Variants in MS4A15 observed in about 807,000 individuals in gnomAD.
The protein encoded by MS4A15 is membrane spanning 4-domains A15.
MS4A15 carries 22 observed loss-of-function variants against 20.6 expected under a neutral mutation model. The ratio of observed to expected loss-of-function variants is 1.07; its 90% CI spans 0.76 to 1.52. The LOEUF is 1.52. Ranked by LOEUF, MS4A15 falls within the 40% of genes most tolerant of loss-of-function variation. MS4A15 has a pLI of 0.00. For synonymous variants in MS4A15, 129 were observed against 129.3 expected (o/e 1.00, Z 0.02); for missense variants, 312 against 323.0 (o/e 0.97, Z 0.26).
At chr11:60,767,709 C>A in intron 3 of MS4A15, 54 bp downstream of exon 3, 1 of 1,474,296 alleles carries the variant, frequency 6.8e-7, no homozygotes, top group Non-Finnish European at 9.0e-7. Flanking sequence ...CCAGGCTCAC[C>A]TCTCCCCCAC....
At chr11:60,773,241 T>A in intron 4 of MS4A15, 151 bp from the exon 5 acceptor site, 1 of 541,836 alleles carries the variant, frequency 1.8e-6, no homozygotes, top group South Asian at 2.7e-5. Context: ...GAGCAGTCAA[T>A]GAGAACACAG....
chr11:60,771,272 GTCCCCTCTCCCCATACA>G lies in MS4A15; in HGVS notation c.349-18_349-2del. ...AGGGTCCTGGCTGAGGCCTCACCTG[GTCCCCTCTCCCCATACA>G]GTTCATCATCTCCGGATCCCTCTCA... On this transcript the variant is annotated splice_acceptor_variant and splice_polypyrimidine_tract_variant and intron_variant, in intron 3 of 6. Transcript: ENST00000405633. LOFTEE classifies it high-confidence loss of function. The G allele has an allele frequency of 3.1e-6, 5 of 1,613,086 alleles. No homozygotes were observed. In the South Asian group the frequency reaches 5.5e-5, roughly 18 times the overall value.
At chr11:60,775,513 C>T (rs764945773) in intron 6 of MS4A15, 92 bp from the exon 7 acceptor site, 128 of 966,906 alleles carry the variant, frequency 1.3e-4, no homozygotes, top group Non-Finnish European at 2.0e-4. Context: ...TACCAGGGCG[C>T]TGTTCTCAGA....
intron 3 of MS4A15, among the ~76,000 whole-genome samples, chr11:60,768,423 C>T (rs756236280): frequency 2.0e-5 from 3 of 152,206 alleles, no homozygotes; most frequent in Admixed American, 6.5e-5. Flanking sequence ...TCACCCGTGC[C>T]GGAAAACAGG....
intron 2 of MS4A15, 55 bp downstream of exon 2, chr11:60,764,013 G>T: frequency 6.8e-7 from 1 of 1,474,982 alleles, no homozygotes; most frequent in Non-Finnish European, 9.2e-7. Context: ...CCCAGCACCG[G>T]AACATTCATG....
At chr11:60,765,881 C>CAAAAA (rs11351320) in intron 2 of MS4A15, among the ~76,000 whole-genome samples, 2 of 137,870 alleles carry the variant, frequency 1.5e-5, no homozygotes, top group African/African-American at 2.7e-5. Context: ...TCTCCCCCTC[C>CAAAAA]AAAAAAAAAA....
rs1194938198 is a variant in MS4A15 at position 60,760,908 on chromosome 11, G to A, written c.-28-2798G>A. On this transcript the variant is annotated intron_variant, in intron 1 of 6. Coordinates refer to ENST00000405633, the MANE Select transcript of MS4A15 (RefSeq NM_001098835.2). ...CAACAGGCAACTATCCGGCTTGCAG[G>A]CATAGAAGCCTCTGTAACTGCAGAG... Among the ~76,000 whole-genome samples the A allele has an allele frequency of 2.6e-5, 4 of 152,220 alleles. No homozygotes were observed. In the East Asian group the frequency reaches 7.7e-4, roughly 29 times the overall value.
chr11:60,768,263 C>A (rs570686344), intron 3 of MS4A15, among the ~76,000 whole-genome samples: 16 of 152,302 alleles, frequency 1.1e-4, no homozygotes, highest in South Asian at 8.3e-4. Context: ...AGATCCTAAG[C>A]CTCACCCTGC....
intron 1 of MS4A15, among the ~76,000 whole-genome samples, chr11:60,759,339 G>A (rs539095145): frequency 1.3e-5 from 2 of 152,360 alleles, no homozygotes; most frequent in Admixed American, 1.3e-4. Flanking sequence ...TTTGCAGACA[G>A]TATGCTTGGT....
Position 60,773,414 on chromosome 11 carries a change from A to C in MS4A15, c.428A>C (p.Asn143Thr), listed in dbSNP as rs1854093798. 2 of 1,613,378 alleles carry C rather than the reference A, an allele frequency of 1.2e-6. No homozygotes were observed. Among genetic ancestry groups the C allele is most frequent in the African/African-American group, 2.7e-5 (2 of 75,040 alleles). ...SCLVRSSLGT[N>T]ILSVMAAFAG... ...CAGGTGAGGAGCAGCCTGGGCACCA[A>C]CATCCTCAGCGTCATGGCGGCCTTT... Residue 143 changes from asparagine to threonine, a missense_variant, in exon 5 of 7, where the codon AAC becomes ACC. Asn to Thr is a moderately conservative substitution (Grantham distance 65, BLOSUM62 0). Coordinates refer to ENST00000405633, the MANE Select transcript of MS4A15 (RefSeq NM_001098835.2).
intron 1 of MS4A15, among the ~76,000 whole-genome samples, chr11:60,759,426 A>G (rs1022714008): frequency 1.3e-5 from 2 of 152,258 alleles, no homozygotes; most frequent in African/African-American, 4.8e-5. Context: ...ACCTCTGCCC[A>G]AGAAAGCCTG....
chr11:60,759,363 A>G (rs1853673900), intron 1 of MS4A15, among the ~76,000 whole-genome samples: 1 of 152,218 alleles, frequency 6.6e-6, no homozygotes, highest in Non-Finnish European at 1.5e-5. Flanking sequence ...AGTCATCGCC[A>G]TTCTCCATTC....
rs1465425927 is a variant in MS4A15 at position 60,771,450 on chromosome 11, C to T, written c.405+103C>T. 8.3e-6 allele frequency: 13 copies of T among 1,566,048 alleles called. No homozygotes were observed. In the Admixed American group the frequency reaches 1.3e-4, roughly 16 times the overall value. ...CTCACTCCTTCAGCTCATTCCCCAG[C>T]ACTTCAGGGGACCTGCAAAGTGCCA... On this transcript the variant is annotated intron_variant, in intron 4 of 6. Transcript: ENST00000405633.
At chr11:60,762,364 A>G (rs1025589485) in intron 1 of MS4A15, among the ~76,000 whole-genome samples, 2 of 152,224 alleles carry the variant, frequency 1.3e-5, no homozygotes, top group Non-Finnish European at 2.9e-5. Context: ...CCTCTGCCAT[A>G]TAATAGCTCC....
intron 5 of MS4A15, 86 bp downstream of exon 5, chr11:60,773,570 G>A: frequency 1.6e-6 from 2 of 1,263,104 alleles, no homozygotes; most frequent in Non-Finnish European, 2.3e-6. Flanking sequence ...AGAGTTTGCA[G>A]CGCCAGGACG....
At chr11:60,774,047 C>A in intron 6 of MS4A15, 97 bp downstream of exon 6, 1 of 852,416 alleles carries the variant, frequency 1.2e-6, no homozygotes. Context: ...CCAGACCCCT[C>A]CCTCTGCACT....
intron 4 of MS4A15, 196 bp downstream of exon 4, chr11:60,771,543 C>T (rs1397516666): frequency 2.0e-6 from 3 of 1,532,432 alleles, no homozygotes; most frequent in Non-Finnish European, 2.6e-6. Context: ...GACAGGGATA[C>T]TCTTTCAATA....
chr11:60,770,660 T>C (rs1854011611), intron 3 of MS4A15, among the ~76,000 whole-genome samples: 1 of 151,876 alleles, frequency 6.6e-6, no homozygotes, highest in Admixed American at 6.6e-5. Context: ...CTTATTCAAC[T>C]CTGTTATGTT....
chr11:60,771,190 G>A lies in MS4A15; in HGVS notation c.349-101G>A, dbSNP rs1590984210. The A allele has an allele frequency of 2.9e-6, 4 of 1,359,278 alleles. No individual in the cohort carries two copies. The Admixed American group carries it at 7.7e-5, about 26-fold the overall frequency. The allele number at this position is 1,359,278 out of a possible 1,614,324, so 84.2% of individuals were successfully genotyped here. A position where few individuals can be genotyped will look rare whatever the true frequency, so the allele number is the denominator to read the frequency against. ...CCTGGCAGAGAAAGTGGCATCAGGA[G>A]GCTGTTGTCTCTCCCTGGCACCTCT... On this transcript the variant is annotated intron_variant, in intron 3 of 6. Transcript: ENST00000405633.
Sources: allele counts gnomAD v4.1 joint callset (sites outside exome capture counted in the v4.1 genomes callset), GRCh38; gene constraint gnomAD v4.1.1; transcripts MANE v1.5; gene names NCBI Gene and HGNC (gene_info 2026-07-23, HGNC 2026-07-21).